The following RABGAP1L variants were observed in gnomAD, a reference collection of about 807,000 sequenced individuals.
The protein encoded by RABGAP1L is rab GTPase-activating protein 1-like.
Under a neutral mutation model 137.7 loss-of-function variants are expected in RABGAP1L, and 63 were observed. The ratio of observed to expected loss-of-function variants is 0.46; its 90% CI spans 0.37 to 0.56. The LOEUF (loss-of-function observed/expected upper bound fraction) is 0.56, where lower values mean the gene tolerates loss of function less well. Among genes scored for constraint, RABGAP1L ranks in the 20% least tolerant of loss-of-function variants. RABGAP1L has a pLI of 0.00. For missense variants in RABGAP1L, 1,095 were observed against 1,244.0 expected, an observed-to-expected ratio of 0.88 and a Z score of 1.80; for synonymous variants, 431 against 433.7, an observed-to-expected ratio of 0.99 and a Z score of 0.08.
intron 10 of RABGAP1L, among the ~76,000 whole-genome samples, chr1:174,286,611 T>C (rs896812720): frequency 1.3e-5 from 2 of 152,122 alleles, no homozygotes; most frequent in Non-Finnish European, 2.9e-5. Flanking sequence ...GGGTCCAGTT[T>C]TTTTTCCCCT....
At chr1:174,709,089 G>A (rs561399473) in intron 17 of RABGAP1L, among the ~76,000 whole-genome samples, 3 of 152,280 alleles carry the variant, frequency 2.0e-5, no homozygotes, top group African/African-American at 7.2e-5. Context: ...CCACCGCAGT[G>A]CAGCAAAGCT....
chr1:174,293,327 G>A (rs1676803138), intron 10 of RABGAP1L, among the ~76,000 whole-genome samples: 1 of 152,082 alleles, frequency 6.6e-6, no homozygotes, highest in Non-Finnish European at 1.5e-5. Flanking sequence ...TAGGCTCTTG[G>A]CTGGTAAAAT....
chr1:174,257,562 A>T (rs1673234240), intron 7 of RABGAP1L, among the ~76,000 whole-genome samples: 1 of 152,128 alleles, frequency 6.6e-6, no homozygotes, highest in South Asian at 2.1e-4. Flanking sequence ...ATTTTATCAG[A>T]CTCTCATAAT....
chr1:174,548,164 A>T, intron 13 of RABGAP1L: 1 of 1,472,156 alleles, frequency 6.8e-7, no homozygotes, highest in East Asian at 2.5e-5. Context: ...ACATATGTTC[A>T]TTTTACAACC....
intron 13 of RABGAP1L, chr1:174,548,136 A>G: frequency 1.3e-6 from 2 of 1,506,160 alleles, no homozygotes; most frequent in Non-Finnish European, 1.8e-6. Context: ...TTTATGGATC[A>G]TTTCCCAGGT....
intron 14 of RABGAP1L, among the ~76,000 whole-genome samples, chr1:174,675,940 A>G (rs1221228379): frequency 6.6e-6 from 1 of 152,180 alleles, no homozygotes; most frequent in Non-Finnish European, 1.5e-5. Flanking sequence ...TTGCTAGCAC[A>G]GTGGTGATAA....
In RABGAP1L at chr1:174,925,619, T is replaced by G. The variant is rs115148816; in HGVS notation, c.2341-31838T>G. Among the ~76,000 whole-genome samples, 1,445 of 152,090 alleles carry G rather than the reference T, an allele frequency of 9.5e-3. 25 individuals are homozygous for G. Among genetic ancestry groups the G allele is most frequent in the African/African-American group, 0.033 (1,385 of 41,522 alleles). ...TGTGCTTTTGGTCTTGATTTCTTCC[T>G]TATGAATCATAGATGATGAGGACTT... On this transcript the variant is annotated intron_variant, in intron 19 of 25. Coordinates refer to ENST00000681986, the MANE Select transcript of RABGAP1L (RefSeq NM_001366446.1).
intron 1 of RABGAP1L, among the ~76,000 whole-genome samples, chr1:174,174,818 T>C (rs1218048002): frequency 6.6e-6 from 1 of 152,214 alleles, no homozygotes; most frequent in East Asian, 1.9e-4. Flanking sequence ...GCAGATTGGA[T>C]GGTGCCTGCC....
chr1:174,537,457 C>G (rs1460184537), intron 13 of RABGAP1L, among the ~76,000 whole-genome samples: 3 of 152,174 alleles, frequency 2.0e-5, no homozygotes, highest in Non-Finnish European at 4.4e-5. Flanking sequence ...AGGAACACCC[C>G]ACTTTCCCAC....
chr1:174,745,008 C>T lies in RABGAP1L; in HGVS notation c.2170-7305C>T, dbSNP rs140252322. Among the ~76,000 whole-genome samples the T allele has an allele frequency of 5.9e-5, 9 of 152,244 alleles. No individual in the cohort carries two copies. In the East Asian group the frequency reaches 1.7e-3, roughly 29 times the overall value. On this transcript the variant is annotated intron_variant, in intron 17 of 25. Transcript: ENST00000681986. ...GTGAAAAAAAGTAATTAAAACCAAT[C>T]ATTTATTTTCTTACAATCTCATGAG... is the stretch of plus-strand genomic sequence containing the variant.
At chr1:174,941,725 A>G (rs1345841902) in intron 19 of RABGAP1L, among the ~76,000 whole-genome samples, 1 of 151,886 alleles carries the variant, frequency 6.6e-6, no homozygotes, top group African/African-American at 2.4e-5. Context: ...CAAAACCCTG[A>G]CACTTCGGAA....
At chr1:174,285,198 G>A (rs1238503661) in intron 10 of RABGAP1L, among the ~76,000 whole-genome samples, 5 of 152,024 alleles carry the variant, frequency 3.3e-5, no homozygotes, top group African/African-American at 1.2e-4. Flanking sequence ...TGTACTTTTA[G>A]TAGAGATGGG....
At chr1:174,350,589 C>T (rs1211020120) in intron 11 of RABGAP1L, among the ~76,000 whole-genome samples, 4 of 109,490 alleles carry the variant, frequency 3.7e-5, no homozygotes, top group South Asian at 4.0e-4. Flanking sequence ...CGGGCAGAGA[C>T]GCTCCTCACT....
intron 8 of RABGAP1L, among the ~76,000 whole-genome samples, 188 bp from the exon 9 acceptor site, chr1:174,275,645 A>C (rs1674935628): frequency 6.6e-6 from 1 of 152,218 alleles, no homozygotes; most frequent in Non-Finnish European, 1.5e-5. Flanking sequence ...GCTTGAAGAA[A>C]GCTGTAGAAG....
At chr1:174,940,873 A>G (rs1665752133) in intron 19 of RABGAP1L, among the ~76,000 whole-genome samples, 1 of 152,208 alleles carries the variant, frequency 6.6e-6, no homozygotes, top group Non-Finnish European at 1.5e-5. Context: ...CCTGGTTTTT[A>G]TTTCAGAAAA....
At chr1:174,972,106 A>G (rs1289187201) in intron 21 of RABGAP1L, among the ~76,000 whole-genome samples, 1 of 152,146 alleles carries the variant, frequency 6.6e-6, no homozygotes, top group Non-Finnish European at 1.5e-5. Flanking sequence ...AAAAAGGTGC[A>G]ACATCTCCAT....
chr1:174,682,271 A>T (rs1678119437), intron 14 of RABGAP1L, among the ~76,000 whole-genome samples: 1 of 140,690 alleles, frequency 7.1e-6, no homozygotes, highest in African/African-American at 2.7e-5. Context: ...ACAAAGCAAA[A>T]CTCTCTCTCT....
At chr1:174,878,913 T>G (rs1038981864) in intron 19 of RABGAP1L, among the ~76,000 whole-genome samples, 15 of 150,282 alleles carry the variant, frequency 1.0e-4, no homozygotes, top group African/African-American at 3.7e-4. Flanking sequence ...ATTATGTAAT[T>G]TTTTGTGCAT....
chr1:174,426,307 C>T (rs1047241655), intron 13 of RABGAP1L, among the ~76,000 whole-genome samples: 1 of 152,038 alleles, frequency 6.6e-6, no homozygotes, highest in Admixed American at 6.6e-5. Flanking sequence ...TAACTAGATT[C>T]TCTCACATTT....
Sources: gnomAD v4.1 joint callset for allele counts (sites outside exome capture counted in the v4.1 genomes callset) on GRCh38, gnomAD v4.1.1 for gene constraint, MANE v1.5 for transcripts, NCBI Gene and HGNC (gene_info 2026-07-23, HGNC 2026-07-21) for gene names.